CNTRL: variants seen among roughly 807,000 people sequenced by gnomAD.
CNTRL encodes 110 kDa centrosomal protein.
A neutral mutation model predicts 303.7 loss-of-function variants in CNTRL; 233 were observed. That is an observed-to-expected ratio of 0.77 (90% confidence interval 0.69 to 0.86). The LOEUF is 0.86. Ranked by LOEUF, CNTRL falls within the 40% of genes least tolerant of loss-of-function variation. The pLI, the probability that CNTRL is intolerant of heterozygous loss-of-function variation, is 0.00. For synonymous variants in CNTRL, 900 were observed against 922.2 expected (o/e 0.98, Z 0.44); for missense variants, 2,524 against 2,650.6 (o/e 0.95, Z 1.05).
intron 11 of CNTRL, among the ~76,000 whole-genome samples, chr9:121,117,191 C>A (rs1482222179): frequency 2.0e-5 from 3 of 152,234 alleles, no homozygotes; most frequent in South Asian, 4.1e-4. Context: ...ATAAAAATCT[C>A]AATTTAATAA....
chr9:121,092,743 T>G lies in CNTRL; in HGVS notation c.349-2145T>G, dbSNP rs1267857025. 2.7e-4 allele frequency among the ~76,000 whole-genome samples: 4 copies of G among 15,022 alleles called. 1 individual carries two copies. The highest frequency in any genetic ancestry group is 5.9e-4 in the African/African-American group (4 of 6,826). 9.9% of individuals were successfully genotyped at this position (15,022 alleles called of 152,430 possible). A position where few individuals can be genotyped will look rare whatever the true frequency, so the allele number is the denominator to read the frequency against. On this transcript the variant is annotated intron_variant, in intron 4 of 43. Coordinates refer to ENST00000373855, the MANE Select transcript of CNTRL (RefSeq NM_007018.6). ...TATCTATATATATATAATATATATCTATATATAATATATATCTATATATAT... is the reference window on the plus strand; with the variant it reads ...TATCTATATATATATAATATATATCGATATATAATATATATCTATATATAT...
At chr9:121,097,307 T>C (rs1315748994) in intron 6 of CNTRL, among the ~76,000 whole-genome samples, 1 of 152,180 alleles carries the variant, frequency 6.6e-6, no homozygotes, top group African/African-American at 2.4e-5. Flanking sequence ...TGGGCCTCTA[T>C]AGAATTGCCT....
intron 32 of CNTRL, 90 bp downstream of exon 32, chr9:121,160,392 A>G: frequency 1.0e-6 from 1 of 978,572 alleles, no homozygotes; most frequent in Non-Finnish European, 1.4e-6. Context: ...GGCCAAAAAA[A>G]CTTTAAAGTT....
chr9:121,131,121 G>A (rs990623522), intron 14 of CNTRL, among the ~76,000 whole-genome samples: 1 of 152,190 alleles, frequency 6.6e-6, no homozygotes, highest in African/African-American at 2.4e-5. Flanking sequence ...ATTTGGGGTG[G>A]AGAATTCTGT....
At chr9:121,098,882 G>A (rs371797433) in intron 7 of CNTRL, among the ~76,000 whole-genome samples, 31 of 152,050 alleles carry the variant, frequency 2.0e-4, no homozygotes, top group African/African-American at 7.2e-4. Context: ...TGGCATAGAG[G>A]AATGGCTTTC....
At chr9:121,103,646 C>T (rs1239558250) in intron 7 of CNTRL, among the ~76,000 whole-genome samples, 1 of 152,134 alleles carries the variant, frequency 6.6e-6, no homozygotes, top group Non-Finnish European at 1.5e-5. Context: ...TTGCAATGCA[C>T]CCATCTGACA....
rs573619351 is a variant in CNTRL, at chr9:121,158,894, C to T, written c.4804C>T (p.Gln1602Ter). 1 of 1,613,914 alleles carries T rather than the reference C, an allele frequency of 6.2e-7. No homozygotes were observed. The highest frequency in any genetic ancestry group is 1.3e-5 in the African/African-American group (1 of 74,872). Residue 1602 changes from glutamine to a stop codon, truncating the protein, a stop_gained, in exon 31 of 44, where the codon CAG becomes TAG. Coordinates refer to ENST00000373855, the MANE Select transcript of CNTRL (RefSeq NM_007018.6). LOFTEE classifies it high-confidence loss of function. ...GCAGGAGATGGCTGTCTTGGACAGG[C>T]AGTTAGGGCATAAAAAGGAGGAGCT... Reference protein sequence around the residue: ...QQQEMAVLDRQLGHKKEELHL... With the variant: ...QQQEMAVLDR
chr9:121,171,336 G>GT, intron 39 of CNTRL, 72 bp from the exon 40 acceptor site: 1 of 1,523,584 alleles, frequency 6.6e-7, no homozygotes, highest in Non-Finnish European at 9.1e-7. Context: ...TATAGAGCTA[G>GT]TGAGTGTGTA....
In CNTRL at chr9:121,112,579, G is replaced by T; in HGVS notation, c.1122+1G>T. 1 of 1,612,130 alleles carries T rather than the reference G, an allele frequency of 6.2e-7. No homozygotes were observed. Among genetic ancestry groups the T allele is most frequent in the Admixed American group, 1.7e-5 (1 of 59,938 alleles). On this transcript the variant is annotated splice_donor_variant, in intron 9 of 43. Coordinates refer to ENST00000373855, the MANE Select transcript of CNTRL (RefSeq NM_007018.6). LOFTEE classifies it high-confidence loss of function. ...GCCACTAAATTATTATCCATCAGAGGTGAGTTATTTTAATTTTTTAGTAAT... is the reference window on the plus strand; with the variant it reads ...GCCACTAAATTATTATCCATCAGAGTTGAGTTATTTTAATTTTTTAGTAAT...
At position 121,144,759 on chromosome 9, in the gene CNTRL, G is replaced by C. The variant is rs2051736027; in HGVS notation, c.3052-84G>C. ...CAGCCTGGTAGGCAATGTGATGAAA[G>C]CAGAAGAATCAATCCAAGAGGAAGA... is the stretch of plus-strand genomic sequence containing the variant. On this transcript the variant is annotated intron_variant, in intron 20 of 43. Transcript: ENST00000373855. 1.0e-5 allele frequency: 11 copies of C among 1,059,360 alleles called. No homozygotes were observed. The South Asian group carries it at 1.4e-4, about 14-fold the overall frequency. The allele number at this position is 1,059,360 out of a possible 1,614,324, so 65.6% of individuals were successfully genotyped here.
intron 13 of CNTRL, 71 bp downstream of exon 13, chr9:121,124,155 A>G: frequency 7.6e-7 from 1 of 1,314,964 alleles, no homozygotes; most frequent in South Asian, 1.6e-5. Context: ...AAAGACAAGC[A>G]TTAATCCAGA....
At position 121,166,135 on chromosome 9, in the gene CNTRL, G is replaced by A; in HGVS notation, c.5610G>A (p.Gln1870=). 1 of 1,611,810 alleles carries A rather than the reference G, an allele frequency of 6.2e-7. No individual in the cohort carries two copies. The highest frequency in any genetic ancestry group is 8.5e-7 in the Non-Finnish European group (1 of 1,179,390). The part of the protein sequence containing the change: ...QEKREAVNSL[Q]EELANVQDHL... ...AACGAGAAGCAGTAAACTCACTGCA[G>A]GAGGAACTAGCTAATGTCCAAGACC... Residue 1870 remains glutamine, a synonymous_variant, in exon 36 of 44, where the codon CAG becomes CAA. Transcript: ENST00000373855.
At chr9:121,085,942 T>G (rs1027007079) in intron 2 of CNTRL, among the ~76,000 whole-genome samples, 2 of 152,156 alleles carry the variant, frequency 1.3e-5, no homozygotes, top group African/African-American at 4.8e-5. Context: ...TCTTTTGTTT[T>G]TATTATATAA....
intron 15 of CNTRL, among the ~76,000 whole-genome samples, chr9:121,136,392 C>T (rs2051195274): frequency 6.6e-6 from 1 of 152,130 alleles, no homozygotes; most frequent in African/African-American, 2.4e-5. Context: ...TCACTGCAAC[C>T]TCCGCCTCCT....
intron 31 of CNTRL, 40 bp downstream of exon 31, chr9:121,159,059 A>C (rs779925105): frequency 3.8e-6 from 6 of 1,572,498 alleles, no homozygotes; most frequent in Non-Finnish European, 5.2e-6. Flanking sequence ...GTCGTAGGAC[A>C]GTGCTATAGG....
intron 14 of CNTRL, among the ~76,000 whole-genome samples, chr9:121,127,195 G>A (rs753835413): frequency 3.6e-4 from 54 of 152,070 alleles, no homozygotes; most frequent in Non-Finnish European, 5.9e-4. Flanking sequence ...GTACCATCCT[G>A]CTTTATGGAC....
intron 43 of CNTRL, among the ~76,000 whole-genome samples, chr9:121,176,531 C>T (rs375613561): frequency 2.0e-5 from 3 of 152,172 alleles, no homozygotes; most frequent in African/African-American, 7.2e-5. Flanking sequence ...AATAGGGAAG[C>T]TTTGGGGATG....
intron 2 of CNTRL, among the ~76,000 whole-genome samples, chr9:121,086,617 C>T (rs2048352191): frequency 6.7e-6 from 1 of 149,462 alleles, no homozygotes; most frequent in Non-Finnish European, 1.5e-5. Context: ...TCCTTCATTA[C>T]AGACTGCTGG....
At chr9:121,084,530 G>A (rs1467980211) in intron 2 of CNTRL, among the ~76,000 whole-genome samples, 1 of 147,246 alleles carries the variant, frequency 6.8e-6, no homozygotes, top group East Asian at 2.0e-4. Flanking sequence ...GTATGCCTAG[G>A]ATAGAAGAGG....
Sources: gnomAD v4.1 joint callset for allele counts (sites outside exome capture counted in the v4.1 genomes callset) on GRCh38, gnomAD v4.1.1 for gene constraint, MANE v1.5 for transcripts, NCBI Gene and HGNC (gene_info 2026-07-23, HGNC 2026-07-21) for gene names.